KDM4C: variants seen among roughly 807,000 people sequenced by gnomAD.
KDM4C encodes lysine-specific demethylase 4C.
In KDM4C, 81 loss-of-function variants were observed where a neutral mutation model predicts 129.3. The ratio of observed to expected loss-of-function variants is 0.63; its 90% confidence interval spans 0.52 to 0.75. The LOEUF (loss-of-function observed/expected upper bound fraction) is 0.75, where lower values mean the gene tolerates loss of function less well. KDM4C is among the 30% of genes least tolerant of loss of function. KDM4C has a pLI of 0.00. For missense variants in KDM4C, 1,457 were observed against 1,304.0 expected (o/e 1.12, Z -1.81); for synonymous variants, 573 against 456.1 (o/e 1.26, Z -3.26).
At chr9:6,791,909 C>T (rs117036261) in intron 1 of KDM4C, among the ~76,000 whole-genome samples, 1 of 152,164 alleles carries the variant, frequency 6.6e-6, no homozygotes, top group Non-Finnish European at 1.5e-5. Context: ...GTAATCCGAG[C>T]TACCCGGAAG....
At chr9:7,138,658 A>T (rs1841450992) in intron 19 of KDM4C, among the ~76,000 whole-genome samples, 1 of 151,968 alleles carries the variant, frequency 6.6e-6, no homozygotes, top group South Asian at 2.1e-4. Context: ...TTACAAAAAA[A>T]TTTAAAAAAA....
At chr9:7,165,472 T>C (rs1844284112) in intron 20 of KDM4C, 115 bp downstream of exon 20, 3 of 1,191,826 alleles carry the variant, frequency 2.5e-6, no homozygotes, top group East Asian at 2.4e-5. Context: ...ACACCTCTTA[T>C]TTTATGCAGG....
intron 1 of KDM4C, among the ~76,000 whole-genome samples, chr9:6,729,123 G>GAAAAAA (rs1554663576): frequency 2.9e-4 from 22 of 75,000 alleles, no homozygotes; most frequent in Middle Eastern, 7.5e-3. Context: ...AGAATTGCTT[G>GAAAAAA]AACCCGGGAA....
chr9:7,124,433 A>T (rs1474020048), intron 18 of KDM4C, among the ~76,000 whole-genome samples: 1 of 152,076 alleles, frequency 6.6e-6, no homozygotes, highest in East Asian at 1.9e-4. Flanking sequence ...CAGGTTGTGA[A>T]TGTGGCCTCC....
chr9:6,739,756 G>T (rs1379973843), intron 1 of KDM4C, among the ~76,000 whole-genome samples: 1 of 151,768 alleles, frequency 6.6e-6, no homozygotes, highest in East Asian at 1.9e-4. Context: ...CAGCACTTTG[G>T]GAGACCAAGG....
chr9:6,776,198 C>T (rs1305193651), intron 1 of KDM4C, among the ~76,000 whole-genome samples: 10 of 152,174 alleles, frequency 6.6e-5, no homozygotes. Context: ...TATTCTCCTG[C>T]CTCAGCCTTT....
intron 1 of KDM4C, among the ~76,000 whole-genome samples, chr9:6,773,604 C>T (rs1013706185): frequency 3.9e-5 from 6 of 151,900 alleles, no homozygotes; most frequent in South Asian, 2.1e-4. Flanking sequence ...AATCTTGTTT[C>T]GACTAAAAAT....
intron 19 of KDM4C, among the ~76,000 whole-genome samples, chr9:7,131,483 G>A (rs966689585): frequency 1.6e-4 from 25 of 152,102 alleles, no homozygotes; most frequent in African/African-American, 6.0e-4. Context: ...AGGCTGAGAA[G>A]TCCCAAGATA....
At chr9:6,919,219 TTTCC>T (rs1202598816) in intron 8 of KDM4C, among the ~76,000 whole-genome samples, 104 of 73,106 alleles carry the variant, frequency 1.4e-3, no homozygotes, top group South Asian at 2.6e-3. Context: ...GAATTTTCTT[TTTCC>T]TTCTTTCTTT....
At chr9:6,896,424 G>T (rs1816444717) in intron 8 of KDM4C, among the ~76,000 whole-genome samples, 1 of 151,464 alleles carries the variant, frequency 6.6e-6, no homozygotes, top group Non-Finnish European at 1.5e-5. Context: ...GCAGAGTGTG[G>T]GGTCTGCATA....
Position 6,886,393 on chromosome 9 carries a change from A to G in KDM4C, c.680-1567A>G, listed in dbSNP as rs1312353432. On this transcript the variant is annotated intron_variant, in intron 6 of 21. Transcript: ENST00000381309. ...AGTGGTGCAATCTCAGTTCACTGCA[A>G]CCCTTGCCTCCTGGGTTCAAGTGAA... Among the ~76,000 whole-genome samples, 3 of 150,646 alleles carry G rather than the reference A, an allele frequency of 2.0e-5. No individual in the cohort carries two copies. In the East Asian group the frequency reaches 5.8e-4, roughly 29 times the overall value.
intron 8 of KDM4C, among the ~76,000 whole-genome samples, chr9:6,947,433 G>A (rs192752876): frequency 5.9e-5 from 9 of 152,096 alleles, no homozygotes; most frequent in Admixed American, 5.9e-4. Context: ...AAGAAGAGCT[G>A]TTTGTTTAGA....
chr9:6,954,005 C>T (rs770424859), intron 8 of KDM4C, among the ~76,000 whole-genome samples: 11 of 152,152 alleles, frequency 7.2e-5, no homozygotes, highest in Non-Finnish European at 1.5e-4. Flanking sequence ...AAGTAGCTGT[C>T]GGGGGTCAGC....
chr9:6,812,597 A>G (rs1447573371), intron 3 of KDM4C, among the ~76,000 whole-genome samples: 1 of 152,168 alleles, frequency 6.6e-6, no homozygotes, highest in Non-Finnish European at 1.5e-5. Context: ...TCCTATGAGA[A>G]TCTAATGCCA....
chr9:7,001,255 A>C (rs1227198325), intron 12 of KDM4C, among the ~76,000 whole-genome samples: 1 of 152,186 alleles, frequency 6.6e-6, no homozygotes, highest in African/African-American at 2.4e-5. Context: ...TGTTTTACAG[A>C]GATTTTTGTT....
intron 4 of KDM4C, among the ~76,000 whole-genome samples, chr9:6,823,952 G>C (rs753866299): frequency 8.5e-5 from 13 of 152,210 alleles, no homozygotes; most frequent in Non-Finnish European, 1.3e-4. Context: ...CTGATGGGAA[G>C]ATGACAGCAG....
At chr9:6,745,078 T>C (rs527251351) in intron 1 of KDM4C, among the ~76,000 whole-genome samples, 40 of 152,224 alleles carry the variant, frequency 2.6e-4, no homozygotes, top group African/African-American at 9.4e-4. Context: ...CTGGAGATGT[T>C]TGCAGCAGCA....
At chr9:6,854,721 C>G (rs1389509634) in intron 5 of KDM4C, among the ~76,000 whole-genome samples, 2 of 152,114 alleles carry the variant, frequency 1.3e-5, no homozygotes, top group Non-Finnish European at 2.9e-5. Context: ...ATTCAGTAAA[C>G]TGAGATTTTG....
chr9:6,806,379 A>T (rs1158987868), intron 3 of KDM4C, among the ~76,000 whole-genome samples: 1 of 152,086 alleles, frequency 6.6e-6, no homozygotes, highest in African/African-American at 2.4e-5. Context: ...CTGTAATCCC[A>T]GCTACTCAGG....
Sources: gnomAD v4.1 joint callset for allele counts (sites outside exome capture counted in the v4.1 genomes callset) on GRCh38, gnomAD v4.1.1 for gene constraint, MANE v1.5 for transcripts, NCBI Gene and HGNC (gene_info 2026-07-23, HGNC 2026-07-21) for gene names.